EEF1D: variants seen among roughly 807,000 people sequenced by gnomAD.
EEF1D encodes elongation factor 1-delta.
EEF1D carries 47 observed loss-of-function variants against 63.9 expected under a neutral mutation model. The observed-to-expected ratio is 0.74, with a 90% confidence interval of 0.58 to 0.94. EEF1D has a LOEUF of 0.94. Among genes scored for constraint, EEF1D ranks in the 40% least tolerant of loss-of-function variants. The probability of loss-of-function intolerance (pLI) is 0.00; values close to 1 mark genes in which losing one functional copy is unlikely to be tolerated. For synonymous variants in EEF1D, 412 were observed against 386.1 expected, an observed-to-expected ratio of 1.07 and a Z score of -0.79; for missense variants, 907 against 899.0, an observed-to-expected ratio of 1.01 and a Z score of -0.11.
Position 143,586,756 on chromosome 8 carries a change from G to A in EEF1D, c.1188C>T (p.Asn396=), listed in dbSNP as rs766281435. 26 of 1,613,902 alleles carry A rather than the reference G, an allele frequency of 1.6e-5. No individual in the cohort carries two copies. The highest frequency in any genetic ancestry group is 1.1e-4 in the African/African-American group (8 of 74,946). Residue 396 remains asparagine, a synonymous_variant, in exon 4 of 10, where the codon AAC becomes AAT. Transcript: ENST00000618139. ...GGCGGGAGGCACCTGCCACAGGCCCGTTCATCTGCTCGTAGAATCTCCTTT... is the reference window on the plus strand; with the variant it reads ...GGCGGGAGGCACCTGCCACAGGCCCATTCATCTGCTCGTAGAATCTCCTTT... ...DAERRFYEQM[N]GPVAGASRQE...
intron 1 of EEF1D, among the ~76,000 whole-genome samples, chr8:143,595,634 C>G (rs1436093586): frequency 6.6e-6 from 1 of 152,260 alleles, no homozygotes; most frequent in Admixed American, 6.5e-5. Context: ...AGAGCACTCA[C>G]TGTAGCTACC....
At chr8:143,586,953 A>G (rs1826777305) in intron 3 of EEF1D, 101 bp from the exon 4 acceptor site, 7 of 1,510,774 alleles carry the variant, frequency 4.6e-6, no homozygotes, top group South Asian at 1.2e-5. Flanking sequence ...CACCCGCTTC[A>G]GACACCAGCG....
At chr8:143,584,812 A>AC (rs1826257994) in intron 5 of EEF1D, among the ~76,000 whole-genome samples, 1 of 151,800 alleles carries the variant, frequency 6.6e-6, no homozygotes, top group Non-Finnish European at 1.5e-5. Flanking sequence ...ACCTCACGTG[A>AC]CCCGCCGGGC....
At chr8:143,590,394 G>A (rs1827749117) in intron 2 of EEF1D, 1 of 621,070 alleles carries the variant, frequency 1.6e-6, no homozygotes, top group African/African-American at 1.8e-5. Flanking sequence ...GTGAATGTAT[G>A]GCCCATGAAG....
At chr8:143,587,020 G>A in intron 3 of EEF1D, 168 bp from the exon 4 acceptor site, 1 of 868,080 alleles carries the variant, frequency 1.2e-6, no homozygotes, top group Non-Finnish European at 1.7e-6. Flanking sequence ...GCATCCCCAG[G>A]CCTGTCTTCC....
At chr8:143,590,144 G>GCCCCGTGCCCACCCT (rs756512725) in intron 2 of EEF1D, 63 bp from the exon 3 acceptor site, 1 of 1,595,800 alleles carries the variant, frequency 6.3e-7, no homozygotes, top group South Asian at 1.1e-5. Flanking sequence ...GGTGGCCGCA[G>GCCCCGTGCCCACCCT]CCCCGTGCCC....
intron 5 of EEF1D, 97 bp from the exon 6 acceptor site, chr8:143,581,425 C>T (rs1825540033): frequency 4.4e-6 from 5 of 1,143,498 alleles, no homozygotes; most frequent in East Asian, 5.1e-5. Context: ...AGGAAAACTA[C>T]AGCTCGGGAG....
chr8:143,580,262 G>A (rs898568901), intron 8 of EEF1D, 56 bp from the exon 9 acceptor site: 18 of 1,548,234 alleles, frequency 1.2e-5, no homozygotes, highest in South Asian at 4.7e-5. Flanking sequence ...CACCCAGGAA[G>A]TACCTGCATG....
At chr8:143,585,438 A>G (rs903391072) in intron 5 of EEF1D, among the ~76,000 whole-genome samples, 7 of 152,152 alleles carry the variant, frequency 4.6e-5, no homozygotes, top group Admixed American at 4.6e-4. Context: ...CCTTGCTGAC[A>G]CTGGGGACAG....
chr8:143,581,475 T>C (rs1467642156), intron 5 of EEF1D, 147 bp from the exon 6 acceptor site: 4 of 688,104 alleles, frequency 5.8e-6, no homozygotes, highest in South Asian at 3.7e-5. Context: ...CTCAAACTTA[T>C]GACCTCAGAG....
rs761839312 is a variant in EEF1D, at chr8:143,589,278, G to A, written c.804C>T (p.Ala268=). The A allele has an allele frequency of 1.7e-4, 271 of 1,586,740 alleles. No individual in the cohort carries two copies. The highest frequency in any genetic ancestry group is 2.1e-4 in the Non-Finnish European group (248 of 1,165,868). The stretch of plus-strand genomic sequence containing the variant: ...CTCTGCGGCCCCGCCGGGCACCCTC[G>A]GCCAGGCCGGCTCGCTCTTGCAGGC... The part of the protein sequence containing the change: ...KVRLQERAGL[A]EGARRGRRDR... Residue 268 remains alanine, a synonymous_variant, in exon 3 of 10, where the codon GCC becomes GCT. Transcript: ENST00000618139.
intron 5 of EEF1D, chr8:143,581,713 A>C: frequency 8.8e-6 from 2 of 226,086 alleles, no homozygotes; most frequent in African/African-American, 2.3e-5. Context: ...AGCACTGGAA[A>C]TGGGAGGCGG....
chr8:143,586,674 C>T (rs189677305), intron 4 of EEF1D, 55 bp downstream of exon 4: 19,211 of 1,594,772 alleles, frequency 0.012, 151 homozygotes, highest in Non-Finnish European at 0.013. Flanking sequence ...TTGTGTGCCC[C>T]GGCCACTCCT....
At chr8:143,585,822 T>C (rs1826477391) in intron 5 of EEF1D, among the ~76,000 whole-genome samples, 2 of 152,040 alleles carry the variant, frequency 1.3e-5, no homozygotes. Context: ...CACTTCTCTC[T>C]CCCCAGTGAG....
chr8:143,594,023 C>T (rs147487594), intron 1 of EEF1D: 9 of 598,880 alleles, frequency 1.5e-5, no homozygotes, highest in East Asian at 1.4e-4. Flanking sequence ...TCCCGACAAA[C>T]GGTCAGCCCC....
chr8:143,593,377 T>C (rs1828289779), intron 1 of EEF1D, among the ~76,000 whole-genome samples: 1 of 152,192 alleles, frequency 6.6e-6, no homozygotes, highest in Non-Finnish European at 1.5e-5. Context: ...TCATAAACCC[T>C]GCAAGCTCTG....
chr8:143,592,951 C>T (rs1828221338), intron 1 of EEF1D: 1 of 152,666 alleles, frequency 6.6e-6, no homozygotes, highest in African/African-American at 2.4e-5. Context: ...CCCTGGGGGA[C>T]AAGCAGGGAC....
In EEF1D at chr8:143,580,163, C is replaced by G; in HGVS notation, c.1754G>C (p.Arg585Pro). 6.2e-7 allele frequency: 1 copy of G among 1,613,752 alleles called. No individual in the cohort carries two copies. Among genetic ancestry groups the G allele is most frequent in the Non-Finnish European group, 8.5e-7 (1 of 1,180,018 alleles). The change falls in exon 9 of 10, where the codon CGC becomes CCC. Residue 585 changes from arginine (R) to proline (P), a missense_variant. Coordinates refer to ENST00000618139, the MANE Select transcript of EEF1D (RefSeq NM_001130053.5). ...TDMAQLEACV[R>P]SIQLDGLVWG... ...GACCAGCCCGTCCAGCTGGATAGAG[C>G]GCACACAGGCCTCCAGCTGGGCCAT... is the stretch of plus-strand genomic sequence containing the variant.
intron 1 of EEF1D, among the ~76,000 whole-genome samples, chr8:143,595,841 ACACGG>A (rs1162691197): frequency 6.6e-6 from 1 of 152,146 alleles, no homozygotes; most frequent in Non-Finnish European, 1.5e-5. Context: ...GCCACACCTC[ACACGG>A]CACCCTTGGC....
Sources: gnomAD v4.1 joint callset for allele counts (sites outside exome capture counted in the v4.1 genomes callset) on GRCh38, gnomAD v4.1.1 for gene constraint, MANE v1.5 for transcripts, NCBI Gene and HGNC (gene_info 2026-07-23, HGNC 2026-07-21) for gene names.